The following NTM variants were observed in gnomAD, a reference collection of about 807,000 sequenced individuals.
The protein encoded by NTM is neurotrimin.
NTM carries 13 observed loss-of-function variants against 42.1 expected under a neutral mutation model. The observed-to-expected ratio is 0.31, with a 90% CI of 0.20 to 0.49. NTM has a LOEUF of 0.49. Among genes scored for constraint, NTM ranks in the 20% least tolerant of loss-of-function variants. The probability of loss-of-function intolerance (pLI) is 0.99; values close to 1 mark genes in which losing one functional copy is unlikely to be tolerated. For synonymous variants in NTM, 187 were observed against 179.2 expected (o/e 1.04, Z -0.35); for missense variants, 373 against 452.8 (o/e 0.82, Z 1.60).
chr11:131,735,835 GGTGTGTGTGTGTGTGT>G (rs398018112), intron 1 of NTM, among the ~76,000 whole-genome samples: 13 of 121,298 alleles, frequency 1.1e-4, no homozygotes, highest in Admixed American at 2.6e-4. Context: ...CCATTCATAA[GGTGTGTGTGTGTGTGT>G]GTGTGTGTGT....
intron 7 of NTM, among the ~76,000 whole-genome samples, chr11:132,327,781 C>T (rs2095713925): frequency 1.3e-5 from 2 of 151,918 alleles, no homozygotes; most frequent in Non-Finnish European, 2.9e-5. Flanking sequence ...CTGTCCCCCT[C>T]TCCCCTTTCC....
intron 2 of NTM, among the ~76,000 whole-genome samples, chr11:131,936,462 A>G (rs920159310): frequency 2.0e-5 from 3 of 152,122 alleles, no homozygotes; most frequent in African/African-American, 7.2e-5. Context: ...CTTGTTGCTG[A>G]GTGGTATAAT....
At chr11:131,506,017 G>A (rs1207710370) in intron 1 of NTM, among the ~76,000 whole-genome samples, 2 of 152,138 alleles carry the variant, frequency 1.3e-5, no homozygotes, top group South Asian at 4.1e-4. Flanking sequence ...GCCTGTTGGT[G>A]TTTCTGTCTG....
chr11:131,589,179 G>GTGTGTA (rs1565673059), intron 1 of NTM, among the ~76,000 whole-genome samples: 1 of 151,758 alleles, frequency 6.6e-6, no homozygotes, highest in South Asian at 2.1e-4. Flanking sequence ...GTGTGTGTGT[G>GTGTGTA]TGTGTGTGTG....
intron 1 of NTM, among the ~76,000 whole-genome samples, chr11:131,868,447 A>T (rs938269124): frequency 6.6e-6 from 1 of 152,090 alleles, no homozygotes; most frequent in Non-Finnish European, 1.5e-5. Context: ...CACAAGGTTA[A>T]CCTTCCAGCC....
chr11:131,570,779 C>A (rs1217934886), intron 1 of NTM, among the ~76,000 whole-genome samples: 2 of 152,180 alleles, frequency 1.3e-5, no homozygotes, highest in Admixed American at 6.5e-5. Context: ...GCCAAGATGG[C>A]GCCACTGCAC....
intron 4 of NTM, among the ~76,000 whole-genome samples, chr11:132,221,639 T>C (rs1294964749): frequency 1.3e-5 from 2 of 152,188 alleles, no homozygotes; most frequent in African/African-American, 4.8e-5. Flanking sequence ...CAGCCTGATT[T>C]TGACATTTCC....
chr11:132,313,668 A>G (rs1460338305), intron 6 of NTM, among the ~76,000 whole-genome samples: 2 of 152,148 alleles, frequency 1.3e-5, no homozygotes, highest in African/African-American at 4.8e-5. Flanking sequence ...ACTTCCTGAG[A>G]AGGAGGACAT....
chr11:131,464,719 C>G (rs1230033445), intron 1 of NTM, among the ~76,000 whole-genome samples: 1 of 152,208 alleles, frequency 6.6e-6, no homozygotes, highest in Non-Finnish European at 1.5e-5. Flanking sequence ...GCCCTTCTGC[C>G]GGCTGAGAAC....
At chr11:131,444,070 G>A (rs931095485) in intron 1 of NTM, among the ~76,000 whole-genome samples, 18 of 152,002 alleles carry the variant, frequency 1.2e-4, no homozygotes, top group East Asian at 9.6e-4. Flanking sequence ...ACAGTGATCC[G>A]TTACAAAGTA....
At chr11:131,756,146 G>T (rs1296069356) in intron 1 of NTM, among the ~76,000 whole-genome samples, 1 of 152,204 alleles carries the variant, frequency 6.6e-6, no homozygotes, top group East Asian at 1.9e-4. Context: ...TGAAGGGCAG[G>T]TGTTATGTCA....
rs921032125 is a variant in NTM, at chr11:131,789,354, A to C, written c.83-122210A>C. 4.7e-5 allele frequency among the ~76,000 whole-genome samples: 7 copies of C among 147,590 alleles called. No homozygotes were observed. The East Asian group carries it at 1.4e-3, about 29-fold the overall frequency. On this transcript the variant is annotated intron_variant, in intron 1 of 8. Transcript: ENST00000683400. ...AGATGACAAAGTGAATTTAAAAATAATAATAATAATAATAAAGAAGAAGAT... is the reference window on the plus strand; with the variant it reads ...AGATGACAAAGTGAATTTAAAAATACTAATAATAATAATAAAGAAGAAGAT...
At chr11:132,022,902 G>T (rs1438877685) in intron 2 of NTM, among the ~76,000 whole-genome samples, 1 of 152,194 alleles carries the variant, frequency 6.6e-6, no homozygotes, top group East Asian at 1.9e-4. Context: ...GCTCCTGCTG[G>T]ATGGGATCCC....
chr11:131,604,943 C>T (rs1331352460), intron 1 of NTM, among the ~76,000 whole-genome samples: 1 of 151,650 alleles, frequency 6.6e-6, no homozygotes, highest in African/African-American at 2.4e-5. Flanking sequence ...TGTCAAAACC[C>T]ACACTGTTTT....
chr11:131,599,505 C>T (rs143750969), intron 1 of NTM, among the ~76,000 whole-genome samples: 1 of 152,226 alleles, frequency 6.6e-6, no homozygotes, highest in Admixed American at 6.5e-5. Context: ...ATCTCAGCAC[C>T]TTTTAGACCC....
At chr11:131,563,697 C>T (rs866543185) in intron 1 of NTM, among the ~76,000 whole-genome samples, 35 of 150,700 alleles carry the variant, frequency 2.3e-4, no homozygotes, top group African/African-American at 6.1e-4. Context: ...CACCCTCTCT[C>T]TTAAAAGTTT....
Position 131,684,698 on chromosome 11 carries a change from C to A in NTM, c.83-226866C>A, listed in dbSNP as rs1315325400. ...CTCCCTGCCTCTGTTTGAGAAGCCT[C>A]CTTTCCCTAACATTCCTGCATTCCT... On this transcript the variant is annotated intron_variant, in intron 1 of 8. Coordinates refer to ENST00000683400, the MANE Select transcript of NTM (RefSeq NM_001352005.2). 2.6e-5 allele frequency among the ~76,000 whole-genome samples: 4 copies of A among 152,252 alleles called. No homozygotes were observed. In the East Asian group the frequency reaches 7.7e-4, roughly 29 times the overall value.
intron 1 of NTM, among the ~76,000 whole-genome samples, chr11:131,447,147 T>C (rs992710901): frequency 2.6e-5 from 4 of 152,200 alleles, no homozygotes; most frequent in African/African-American, 9.7e-5. Context: ...ATATTCTCCT[T>C]TAGAGCAACT....
chr11:132,001,846 C>T (rs2069348201), intron 2 of NTM, among the ~76,000 whole-genome samples: 2 of 151,968 alleles, frequency 1.3e-5, no homozygotes, highest in African/African-American at 2.4e-5. Flanking sequence ...CAAAACCATA[C>T]TTGAGCAATT....
Sources: allele counts gnomAD v4.1 joint callset (sites outside exome capture counted in the v4.1 genomes callset), GRCh38; gene constraint gnomAD v4.1.1; transcripts MANE v1.5; gene names NCBI Gene and HGNC (gene_info 2026-07-23, HGNC 2026-07-21).